ABL1: variants seen among roughly 807,000 people sequenced by gnomAD.
ABL1 encodes the protein ABL proto-oncogene 1, non-receptor tyrosine kinase, also known as tyrosine-protein kinase ABL1.
ABL1 carries 11 observed loss-of-function variants against 94.7 expected under a neutral mutation model. The observed-to-expected ratio is 0.12, with a 90% CI of 0.07 to 0.19. The LOEUF is 0.19. Among genes scored for constraint, ABL1 ranks in the 10% least tolerant of loss-of-function variants. ABL1 has a pLI of 1.00. For missense variants in ABL1, 1,082 were observed against 1,489.4 expected, an observed-to-expected ratio of 0.73 and a Z score of 4.50; for synonymous variants, 656 against 622.4, an observed-to-expected ratio of 1.05 and a Z score of -0.80.
intron 3 of ABL1, among the ~76,000 whole-genome samples, chr9:130,859,324 A>G (rs1357396761): frequency 6.6e-6 from 1 of 152,218 alleles, no homozygotes; most frequent in Non-Finnish European, 1.5e-5. Context: ...CCAAGGCCCT[A>G]AGCTTCAGCA....
At chr9:130,811,043 T>G (rs759735398) in intron 1 of ABL1, among the ~76,000 whole-genome samples, 46 of 152,150 alleles carry the variant, frequency 3.0e-4, no homozygotes, top group Non-Finnish European at 3.8e-4. Context: ...CTACCTAGAA[T>G]TCTTTTCTCA....
At chr9:130,832,199 C>A (rs1470788754), upstream of ABL1, among the ~76,000 whole-genome samples, 3 of 150,578 alleles carry the variant, frequency 2.0e-5, no homozygotes, top group Non-Finnish European at 4.4e-5. Flanking sequence ...TCACTGCTCA[C>A]TGCATCCTCC....
At chr9:130,793,215 C>G (rs190338814) in intron 1 of ABL1, among the ~76,000 whole-genome samples, 1 of 152,174 alleles carries the variant, frequency 6.6e-6, no homozygotes. Flanking sequence ...CATGAGCCAC[C>G]GCGCCTGGCC....
intron 1 of ABL1, among the ~76,000 whole-genome samples, chr9:130,720,568 G>T (rs1831501710): frequency 6.6e-6 from 1 of 152,162 alleles, no homozygotes; most frequent in Admixed American, 6.5e-5. Context: ...GGAGAGGGTG[G>T]CCTTATTGGC....
chr9:130,727,151 C>G (rs1389108277), intron 1 of ABL1, among the ~76,000 whole-genome samples: 1 of 151,752 alleles, frequency 6.6e-6, no homozygotes, highest in African/African-American at 2.4e-5. Context: ...TTCTATAAAT[C>G]AAGTTGTTTC....
At chr9:130,725,767 GTA>G (rs540038452) in intron 1 of ABL1, among the ~76,000 whole-genome samples, 2 of 141,948 alleles carry the variant, frequency 1.4e-5, no homozygotes, top group Non-Finnish European at 1.5e-5. Context: ...CATTGTGTGT[GTA>G]TATATATATA....
At position 130,879,770 on chromosome 9, in the gene ABL1, G is replaced by A. The variant is rs573789809; in HGVS notation, c.1424-298G>A. Among the ~76,000 whole-genome samples, 88 of 152,290 alleles carry A rather than the reference G, an allele frequency of 5.8e-4. 1 individual carries two copies. The highest frequency in any genetic ancestry group is 2.1e-3 in the African/African-American group (86 of 41,554). Reference sequence around the variant, plus strand: ...GATAGAAGGTGAGCTGTTTGGCTTAGTAATTTTCTACACCTACTAGAGCGG... The same window carrying A: ...GATAGAAGGTGAGCTGTTTGGCTTAATAATTTTCTACACCTACTAGAGCGG... On this transcript the variant is annotated intron_variant, in intron 8 of 10. Coordinates refer to ENST00000318560, the MANE Select transcript of ABL1 (RefSeq NM_005157.6).
At chr9:130,788,422 C>G (rs769514943) in intron 1 of ABL1, among the ~76,000 whole-genome samples, 13 of 152,154 alleles carry the variant, frequency 8.5e-5, no homozygotes, top group Non-Finnish European at 1.8e-4. Context: ...CTTAATATTT[C>G]AAGTGTATGT....
At chr9:130,747,625 C>G (rs1831904357) in intron 1 of ABL1, among the ~76,000 whole-genome samples, 1 of 152,156 alleles carries the variant, frequency 6.6e-6, no homozygotes, top group Non-Finnish European at 1.5e-5. Context: ...GTTAGCCAGG[C>G]TGGTCTCGAA....
rs1457527447 is a variant in ABL1, at chr9:130,863,055, G to A, written c.822+20G>A. On this transcript the variant is annotated intron_variant, in intron 4 of 10. Transcript: ENST00000318560. The surrounding 1 kb of genome is among the most constrained non-coding windows in gnomAD (Gnocchi z 4.3). ...TTGAAGGTAGGCTGGGACTGCCGGG[G>A]GTGCCCAGGGTACGTGGGGCAAGGC... The A allele has an allele frequency of 2.5e-5, 39 of 1,573,488 alleles. No homozygotes were observed. Among genetic ancestry groups the A allele is most frequent in the Non-Finnish European group, 3.2e-5 (37 of 1,156,530 alleles).
At chr9:130,765,349 G>C (rs74903416) in intron 1 of ABL1, among the ~76,000 whole-genome samples, 6 of 152,166 alleles carry the variant, frequency 3.9e-5, no homozygotes, top group Admixed American at 3.9e-4. Context: ...ACTTCAAAAC[G>C]TGTAGCTAGC....
At chr9:130,854,329 C>A in intron 2 of ABL1, 92 bp downstream of exon 2, 3 of 1,434,190 alleles carry the variant, frequency 2.1e-6, no homozygotes, top group Non-Finnish European at 2.9e-6. Flanking sequence ...GTTAAAGGAG[C>A]AGCTTTGAAA....
In ABL1 at chr9:130,885,527, C is replaced by G. The variant is rs1297346592; in HGVS notation, c.3237C>G (p.Asn1079Lys). 6.2e-6 allele frequency: 10 copies of G among 1,614,054 alleles called. No homozygotes were observed. The highest frequency in any genetic ancestry group is 1.3e-5 in the African/African-American group (1 of 74,952). The change falls in exon 11 of 11, where the codon AAC becomes AAG. Residue 1079 changes from asparagine (N) to lysine (K), a missense_variant. By Grantham distance (94) the Asn-to-Lys change is moderately conservative. Coordinates refer to ENST00000318560, the MANE Select transcript of ABL1 (RefSeq NM_005157.6). ...SYVDSIQQMR[N>K]KFAFREAINK... Reference sequence around the variant, plus strand: ...TGGATTCCATCCAGCAAATGAGGAACAAGTTTGCCTTCCGAGAGGCCATCA... The same window carrying G: ...TGGATTCCATCCAGCAAATGAGGAAGAAGTTTGCCTTCCGAGAGGCCATCA...
chr9:130,758,872 A>G (rs1014621203), intron 1 of ABL1, among the ~76,000 whole-genome samples: 5 of 152,222 alleles, frequency 3.3e-5, no homozygotes, highest in African/African-American at 4.8e-5. Context: ...TTTGCTGAGC[A>G]TACTTCTCAG....
chr9:130,866,038 G>A (rs1193789382), intron 4 of ABL1, among the ~76,000 whole-genome samples: 1 of 152,122 alleles, frequency 6.6e-6, no homozygotes, highest in Admixed American at 6.6e-5. Flanking sequence ...TTTCTAATTT[G>A]GAGTGCTCAT....
At chr9:130,716,794 G>A (rs1588208124) in intron 1 of ABL1, among the ~76,000 whole-genome samples, 2 of 151,570 alleles carry the variant, frequency 1.3e-5, no homozygotes, top group East Asian at 1.9e-4. Flanking sequence ...CTTGTCGCCC[G>A]GGCTGGAGTG....
intron 1 of ABL1, among the ~76,000 whole-genome samples, chr9:130,744,448 G>GT (rs1194069117): frequency 6.6e-6 from 1 of 151,454 alleles, no homozygotes; most frequent in Non-Finnish European, 1.5e-5. Flanking sequence ...GCCCCTTCTT[G>GT]TTTTTGTAGC....
intron 1 of ABL1, among the ~76,000 whole-genome samples, chr9:130,821,145 T>G (rs1281716817): frequency 6.6e-6 from 1 of 152,124 alleles, no homozygotes; most frequent in Non-Finnish European, 1.5e-5. Context: ...TTAGCCAGGA[T>G]GGTCTCGATC....
intron 1 of ABL1, among the ~76,000 whole-genome samples, chr9:130,777,602 C>G (rs1460127432): frequency 3.1e-5 from 3 of 98,178 alleles, no homozygotes; most frequent in African/African-American, 8.9e-5. Flanking sequence ...CCTCTCAGGG[C>G]TTTGTGTTGG....
Sources: gnomAD v4.1 joint callset for allele counts (sites outside exome capture counted in the v4.1 genomes callset) on GRCh38, gnomAD v4.1.1 for gene constraint, Gnocchi (gnomAD v3.1) non-coding constraint, MANE v1.5 for transcripts, NCBI Gene and HGNC (gene_info 2026-07-23, HGNC 2026-07-21) for gene names.